ARID1B: variants seen among roughly 807,000 people sequenced by gnomAD.
The protein encoded by ARID1B is AT-rich interaction domain 1B, also known as AT-rich interactive domain-containing protein 1B.
Under a neutral mutation model 212.3 loss-of-function variants are expected in ARID1B, and 30 were observed. The ratio of observed to expected loss-of-function variants is 0.14; its 90% CI spans 0.11 to 0.19. The LOEUF is 0.19. ARID1B is among the 10% of genes least tolerant of loss of function. The pLI, the probability that ARID1B is intolerant of heterozygous loss-of-function variation, is 1.00. For synonymous variants in ARID1B, 1,402 were observed against 1,301.7 expected, an observed-to-expected ratio of 1.08 and a Z score of -1.66; for missense variants, 2,891 against 3,204.0, an observed-to-expected ratio of 0.90 and a Z score of 2.36.
At chr6:156,877,639 T>C (rs1786667911) in intron 2 of ARID1B, among the ~76,000 whole-genome samples, 1 of 152,116 alleles carries the variant, frequency 6.6e-6, no homozygotes, top group Non-Finnish European at 1.5e-5. Flanking sequence ...AAGGAACACA[T>C]TGGAGCTGCC....
At chr6:156,788,074 G>A (rs1291014162) in intron 1 of ARID1B, among the ~76,000 whole-genome samples, 1 of 151,858 alleles carries the variant, frequency 6.6e-6, no homozygotes, top group Non-Finnish European at 1.5e-5. Flanking sequence ...GCTGTACTTC[G>A]GGGTGTGGCT....
At position 157,148,530 on chromosome 6, in the gene ARID1B, C is replaced by T. The variant is rs925067253; in HGVS notation, c.2762-94C>T. ...CCTATAACGGTCATGACTAATACTC[C>T]GTGCTGATCGCATTGTTGGACAAAA... On this transcript the variant is annotated intron_variant, in intron 7 of 19. Transcript: ENST00000636930. The surrounding 1 kb of genome is among the most constrained non-coding windows in gnomAD (Gnocchi z 5.6). 2.4e-5 allele frequency: 33 copies of T among 1,369,468 alleles called. No homozygotes were observed. Among genetic ancestry groups the T allele is most frequent in the South Asian group, 1.6e-4 (12 of 74,708 alleles). The allele number at this position is 1,369,468 out of a possible 1,614,324, so 84.8% of individuals were successfully genotyped here.
intron 4 of ARID1B, among the ~76,000 whole-genome samples, chr6:156,993,581 G>C (rs922903940): frequency 2.6e-5 from 4 of 152,244 alleles, no homozygotes; most frequent in Non-Finnish European, 2.9e-5. Context: ...TACTATTTTA[G>C]ATTCTCTGAA....
intron 3 of ARID1B, among the ~76,000 whole-genome samples, chr6:156,926,873 G>T (rs1002158904): frequency 4.6e-5 from 7 of 152,052 alleles, no homozygotes; most frequent in Admixed American, 3.9e-4. Flanking sequence ...GTAGAGACAG[G>T]GTTTCACCAT....
intron 4 of ARID1B, among the ~76,000 whole-genome samples, chr6:157,063,649 C>T (rs75700222): frequency 0.012 from 1,788 of 152,250 alleles, 36 homozygotes; most frequent in African/African-American, 0.041. Context: ...AAAACTCATA[C>T]GAAATGTACT....
At chr6:157,140,551 AT>A in intron 7 of ARID1B, 1 of 398,498 alleles carries the variant, frequency 2.5e-6, no homozygotes, top group Non-Finnish European at 4.4e-6. Context: ...CATAGTTACT[AT>A]ATTTTTTTCC....
rs766027272 is a variant in ARID1B, at chr6:156,779,396, C to A, written c.1716C>A (p.Ala572=). 2.8e-6 allele frequency: 4 copies of A among 1,432,310 alleles called. No individual in the cohort carries two copies. In the South Asian group the frequency reaches 5.3e-5, roughly 19 times the overall value. 88.7% of individuals were successfully genotyped at this position (1,432,310 alleles called of 1,614,324 possible). ...MGAQYAAASP[A]WAAAQQRSHP... is the part of the protein sequence containing the mutation. ...CCCAGTACGCCGCTGCCAGCCCGGCCTGGGCGGCCGCGCAACAAAGGAGTC... is the reference window on the plus strand; with the variant it reads ...CCCAGTACGCCGCTGCCAGCCCGGCATGGGCGGCCGCGCAACAAAGGAGTC... Residue 572 remains alanine, a synonymous_variant, in exon 1 of 20, where the codon GCC becomes GCA. Transcript: ENST00000636930.
intron 5 of ARID1B, among the ~76,000 whole-genome samples, chr6:157,103,595 C>A (rs1786241782): frequency 6.6e-6 from 1 of 151,936 alleles, no homozygotes; most frequent in African/African-American, 2.4e-5. Context: ...CCTCTTTTTC[C>A]CAATTGTGTT....
At chr6:157,205,960 A>T (rs995219063) in intron 19 of ARID1B, 67 of 613,092 alleles carry the variant, frequency 1.1e-4, no homozygotes, top group Non-Finnish European at 1.9e-4. Context: ...CATGCTAAAC[A>T]TCGGTTTAGT....
chr6:156,950,833 A>ACTT (rs1476225810), intron 4 of ARID1B, among the ~76,000 whole-genome samples: 1 of 152,168 alleles, frequency 6.6e-6, no homozygotes, highest in Non-Finnish European at 1.5e-5. Flanking sequence ...CTTAAATCAT[A>ACTT]CTTACTGTTA....
At chr6:157,149,237 ATC>A in intron 8 of ARID1B, 1 of 400,456 alleles carries the variant, frequency 2.5e-6, no homozygotes, top group Non-Finnish European at 4.6e-6. Flanking sequence ...AGCAAACCAG[ATC>A]TGGTTGCACA....
At chr6:156,888,359 G>A (rs1004597459) in intron 2 of ARID1B, among the ~76,000 whole-genome samples, 4 of 152,216 alleles carry the variant, frequency 2.6e-5, no homozygotes, top group Admixed American at 1.3e-4. Context: ...GACCAAGTGG[G>A]TGGTTTTTAG....
chr6:157,146,597 T>C (rs1246399691), intron 7 of ARID1B, among the ~76,000 whole-genome samples: 2 of 152,208 alleles, frequency 1.3e-5, no homozygotes, highest in Admixed American at 1.3e-4. Flanking sequence ...GTTTTCACCC[T>C]TGCTGCTTTA....
In ARID1B at chr6:156,911,338, G is replaced by GTTTTTTT. The variant is rs57374747; in HGVS notation, c.2136+9828_2136+9834dup. Among the ~76,000 whole-genome samples, 6 of 105,358 alleles carry GTTTTTTT rather than the reference G, an allele frequency of 5.7e-5. No individual in the cohort carries two copies. In the East Asian group the frequency reaches 9.2e-4, roughly 16 times the overall value. 69.1% of individuals were successfully genotyped at this position (105,358 alleles called of 152,430 possible). A position where few individuals can be genotyped will look rare whatever the true frequency, so the allele number is the denominator to read the frequency against. ...GGTTCTAGACTCAGCTAAATAATTA[G>GTTTTTTT]TTTTTTTTTTTTTTTTTTTTTGCTT... On this transcript the variant is annotated intron_variant, in intron 3 of 19. Transcript: ENST00000636930.
At chr6:156,900,294 T>A (rs1788812817) in intron 2 of ARID1B, among the ~76,000 whole-genome samples, 1 of 152,248 alleles carries the variant, frequency 6.6e-6, no homozygotes, top group African/African-American at 2.4e-5. Flanking sequence ...TTTCCCCTTT[T>A]ACCCCATTGT....
chr6:156,791,086 C>A (rs1196005779), intron 1 of ARID1B, among the ~76,000 whole-genome samples: 1 of 152,134 alleles, frequency 6.6e-6, no homozygotes, highest in Non-Finnish European at 1.5e-5. Flanking sequence ...TCTAAATACC[C>A]TTTCCCAGTC....
intron 4 of ARID1B, among the ~76,000 whole-genome samples, chr6:157,053,303 C>G (rs1282754275): frequency 6.6e-6 from 1 of 152,018 alleles, no homozygotes; most frequent in Non-Finnish European, 1.5e-5. Flanking sequence ...CCAGGGTGGT[C>G]TTGAACTCCT....
chr6:156,777,857 G>C lies in ARID1B; in HGVS notation c.177G>C (p.Gly59=). The C allele has an allele frequency of 7.5e-7, 1 of 1,337,364 alleles. No individual in the cohort carries two copies. Among genetic ancestry groups the C allele is most frequent in the Non-Finnish European group, 9.5e-7 (1 of 1,050,400 alleles). 82.8% of individuals were successfully genotyped at this position (1,337,364 alleles called of 1,614,324 possible). A position where few individuals can be genotyped will look rare whatever the true frequency, so the allele number is the denominator to read the frequency against. Residue 59 remains glycine (G), a synonymous_variant, in exon 1 of 20, where the codon GGG becomes GGC. Coordinates refer to ENST00000636930, the MANE Select transcript of ARID1B (RefSeq NM_001374828.1). The part of the protein sequence containing the change: ...AAAAAPGPML[G]GGGDGGGGLN... The stretch of plus-strand genomic sequence containing the variant: ...CGGCGGCACCGGGACCCATGCTGGG[G>C]GGCGGCGGCGACGGCGGCGGCGGCC...
chr6:157,138,418 T>C (rs1789092481), intron 7 of ARID1B, among the ~76,000 whole-genome samples: 1 of 152,244 alleles, frequency 6.6e-6, no homozygotes, highest in African/African-American at 2.4e-5. Flanking sequence ...TTGTATTTTT[T>C]GTAGAGACAA....
Sources: allele counts gnomAD v4.1 joint callset (sites outside exome capture counted in the v4.1 genomes callset), GRCh38; gene constraint gnomAD v4.1.1; non-coding constraint Gnocchi (gnomAD v3.1); transcripts MANE v1.5; gene names NCBI Gene and HGNC (gene_info 2026-07-23, HGNC 2026-07-21).